MSTO1: variants seen among roughly 807,000 people sequenced by gnomAD.
MSTO1 encodes the protein protein misato homolog 1.
A neutral mutation model predicts 55.7 loss-of-function variants in MSTO1; 24 were observed. That is an observed-to-expected ratio of 0.43 (90% CI 0.31 to 0.61). The LOEUF is 0.61. MSTO1 is among the 20% of genes least tolerant of loss of function. The pLI is 0.09. For missense variants in MSTO1, 363 were observed against 625.7 expected, an observed-to-expected ratio of 0.58 and a Z score of 4.48; for synonymous variants, 162 against 252.8, an observed-to-expected ratio of 0.64 and a Z score of 3.41.
chr1:155,572,137 T>G, the MSTO1 span, among the ~76,000 whole-genome samples: 2 of 152,042 alleles, frequency 1.3e-5, no homozygotes, highest in Non-Finnish European at 2.9e-5. Flanking sequence ...ACTGTTGACA[T>G]TTGGGGATGG....
chr1:155,598,904 G>A, the MSTO1 span: 14 of 1,446,842 alleles, frequency 9.7e-6, no homozygotes, highest in Non-Finnish European at 1.3e-5. Flanking sequence ...CTGATACTAC[G>A]TATTCCAGAT....
chr1:155,576,751 C>A, the MSTO1 span, among the ~76,000 whole-genome samples: 2 of 150,950 alleles, frequency 1.3e-5, no homozygotes, highest in Non-Finnish European at 3.0e-5. Flanking sequence ...CAGTGGCACA[C>A]GCCTGTAATC....
the MSTO1 span, chr1:155,598,828 G>C: frequency 7.4e-7 from 1 of 1,354,248 alleles, no homozygotes; most frequent in Non-Finnish European, 1.1e-6. Flanking sequence ...TTTAGATGGA[G>C]AGAAGGGAAC....
upstream of MSTO1, among the ~76,000 whole-genome samples, chr1:155,608,823 T>A (rs1353474988): frequency 1.3e-5 from 2 of 149,682 alleles, no homozygotes; most frequent in African/African-American, 5.0e-5. Flanking sequence ...TATTTTTATT[T>A]TTTTATTTTT....
chr1:155,579,179 G>A, the MSTO1 span, among the ~76,000 whole-genome samples: 5 of 151,864 alleles, frequency 3.3e-5, no homozygotes, highest in Non-Finnish European at 7.4e-5. Flanking sequence ...TGGACATGGT[G>A]GCGCATGCAG....
At chr1:155,578,636 G>A in the MSTO1 span, among the ~76,000 whole-genome samples, 1 of 144,288 alleles carries the variant, frequency 6.9e-6, no homozygotes, top group Non-Finnish European at 1.5e-5. Flanking sequence ...TCAGCCTCCC[G>A]AGTAGCTGGG....
At chr1:155,607,022 T>G (rs577595963), upstream of MSTO1, among the ~76,000 whole-genome samples, 5 of 151,154 alleles carry the variant, frequency 3.3e-5, no homozygotes, top group South Asian at 1.0e-3. Context: ...TTAGTAGAGA[T>G]GGGGTTTCAC....
At chr1:155,590,681 G>T in the MSTO1 span, 2 of 1,482,150 alleles carry the variant, frequency 1.3e-6, no homozygotes, top group South Asian at 1.3e-5. Flanking sequence ...GCCATGTAAT[G>T]GCTGGGGCCC....
the MSTO1 span, among the ~76,000 whole-genome samples, chr1:155,601,326 G>C: frequency 6.6e-6 from 1 of 151,338 alleles, no homozygotes; most frequent in East Asian, 1.9e-4. Context: ...TAGTAGAGAC[G>C]GGGTTTCACC....
upstream of MSTO1, among the ~76,000 whole-genome samples, chr1:155,609,119 A>AC (rs140603286): frequency 6.0e-3 from 884 of 148,354 alleles, 9 homozygotes; most frequent in African/African-American, 0.021. Flanking sequence ...AAACTACCGC[A>AC]CCCGGCCCTT....
At chr1:155,583,100 G>A in the MSTO1 span, among the ~76,000 whole-genome samples, 1 of 151,780 alleles carries the variant, frequency 6.6e-6, no homozygotes, top group Non-Finnish European at 1.5e-5. Context: ...CCAACTCCTG[G>A]CCTCAAATGA....
At chr1:155,597,049 G>C in the MSTO1 span, among the ~76,000 whole-genome samples, 2 of 152,130 alleles carry the variant, frequency 1.3e-5, no homozygotes, top group Non-Finnish European at 2.9e-5. Flanking sequence ...CAAGGCCTCA[G>C]TGAGCGGTGA....
chr1:155,566,130 C>T, the MSTO1 span: 1 of 152,212 alleles, frequency 6.6e-6, no homozygotes, highest in Non-Finnish European at 1.5e-5. Context: ...ACCACAGCAC[C>T]ACCGTCGAAG....
upstream of MSTO1, chr1:155,610,121 G>A (rs1673493617): frequency 2.3e-6 from 2 of 870,560 alleles, no homozygotes. Context: ...TTTCTCCAAT[G>A]GGAAAGGATG....
At chr1:155,582,758 C>T in the MSTO1 span, among the ~76,000 whole-genome samples, 5 of 152,066 alleles carry the variant, frequency 3.3e-5, no homozygotes, top group African/African-American at 9.7e-5. Context: ...CGCGCCCGGC[C>T]GGCTTATAGG....
At chr1:155,577,330 C>T in the MSTO1 span, among the ~76,000 whole-genome samples, 2 of 152,028 alleles carry the variant, frequency 1.3e-5, no homozygotes, top group East Asian at 3.9e-4. Context: ...CCTCGTGATC[C>T]ACCCGCCTCG....
the MSTO1 span, among the ~76,000 whole-genome samples, chr1:155,593,950 C>A: frequency 6.6e-6 from 1 of 150,442 alleles, no homozygotes. Context: ...GCCTGGGCAA[C>A]AGAGCGAGAC....
the MSTO1 span, among the ~76,000 whole-genome samples, chr1:155,591,951 AG>A: frequency 6.6e-6 from 1 of 152,188 alleles, no homozygotes; most frequent in Non-Finnish European, 1.5e-5. Context: ...TCAAAAAAAA[AG>A]TATAACAAAA....
chr1:155,612,526 C>T lies in MSTO1; in HGVS notation c.922C>T (p.Leu308=), dbSNP rs1462783796. The T allele has an allele frequency of 8.7e-6, 14 of 1,613,390 alleles. No homozygotes were observed. Among genetic ancestry groups the T allele is most frequent in the Non-Finnish European group, 1.2e-5 (14 of 1,179,984 alleles). Residue 308 remains leucine, a synonymous_variant, in exon 9 of 14, where the codon CTG becomes TTG. Transcript: ENST00000245564. ...CPLSLGGSLG[L]RPEPPVSFPY... ...CTTGTCCTTGGGTGGGAGCCTGGGC[C>T]TGCGACCCGAGCCACCTGTCAGCTT...
Sources: allele counts gnomAD v4.1 joint callset (sites outside exome capture counted in the v4.1 genomes callset), GRCh38; gene constraint gnomAD v4.1.1; transcripts MANE v1.5; gene names NCBI Gene and HGNC (gene_info 2026-07-23, HGNC 2026-07-21).